MAP4K2: variants seen among roughly 807,000 people sequenced by gnomAD.
MAP4K2 encodes B lymphocyte serine/threonine protein kinase.
A neutral mutation model predicts 125.3 loss-of-function variants in MAP4K2; 85 were observed. That is an observed-to-expected ratio of 0.68 (90% CI 0.57 to 0.81). The LOEUF is 0.81. Ranked by LOEUF, MAP4K2 falls within the 40% of genes least tolerant of loss-of-function variation. The pLI is 0.00. For missense variants in MAP4K2, 923 were observed against 1,056.4 expected (o/e 0.87, Z 1.75); for synonymous variants, 479 against 445.1 (o/e 1.08, Z -0.96).
At chr11:64,802,817 C>T in intron 2 of MAP4K2, 68 bp downstream of exon 2, 1 of 1,535,850 alleles carries the variant, frequency 6.5e-7, no homozygotes, top group Non-Finnish European at 8.8e-7. Flanking sequence ...GTCAACCCTC[C>T]GCCCGCACCC....
In MAP4K2 at chr11:64,798,678, AC is replaced by A. The variant is rs1301914588; in HGVS notation, c.1097+115del. The A allele has an allele frequency of 1.0e-5, 11 of 1,064,846 alleles. No individual in the cohort carries two copies. The African/African-American group carries it at 1.4e-4, about 14-fold the overall frequency. The allele number at this position is 1,064,846 out of a possible 1,614,324, so 66.0% of individuals were successfully genotyped here. On this transcript the variant is annotated intron_variant, in intron 15 of 31. Transcript: ENST00000294066. ...TTGAACTCCTGACCTCAGGTGATCC[AC>A]CCACCTCAGCCTCCTAAAGTGCTGG...
chr11:64,798,943 G>T, intron 14 of MAP4K2, 106 bp from the exon 15 acceptor site: 1 of 934,508 alleles, frequency 1.1e-6, no homozygotes, highest in Non-Finnish European at 1.6e-6. Context: ...AGACAGACGG[G>T]AAAGGTGAGA....
At position 64,797,149 on chromosome 11, in the gene MAP4K2, C is replaced by CA. The variant is rs1320791351; in HGVS notation, c.1319dup (p.Leu441AlafsTer15). 6.2e-7 allele frequency: 1 copy of CA among 1,614,092 alleles called. No individual in the cohort carries two copies. Among genetic ancestry groups the CA allele is most frequent in the Admixed American group, 1.7e-5 (1 of 60,022 alleles). On this transcript the variant is annotated frameshift_variant, in exon 19 of 32. Coordinates refer to ENST00000294066, the MANE Select transcript of MAP4K2 (RefSeq NM_004579.5). LOFTEE classifies it high-confidence loss of function. ...TCATGGTGGCCCAGGCCGTGGGCAG[C>CA]AGTGGGGAGCTGTTGGGGCCTGAAG...
rs2136032217 is a variant in MAP4K2, at chr11:64,788,497, A to ACGCTGTG, written c.*1039_*1040insCACAGCG. On this transcript the variant is annotated 3_prime_UTR_variant, in exon 32 of 32. Coordinates refer to ENST00000294066, the MANE Select transcript of MAP4K2 (RefSeq NM_004579.5). ...GAGAATGACAGCGTAAGCACAAGCT[A>ACGCTGTG]CAGGAGAATGGCCATGCCCTCAAGA... The ACGCTGTG allele has an allele frequency of 6.6e-6, 1 of 152,408 alleles. No homozygotes were observed. Among genetic ancestry groups the ACGCTGTG allele is most frequent in the Admixed American group, 6.5e-5 (1 of 15,312 alleles). The allele number at this position is 152,408 out of a possible 1,614,324, so 9.4% of individuals were successfully genotyped here.
At position 64,797,313 on chromosome 11, in the gene MAP4K2, G is replaced by A. The variant is rs1197707543; in HGVS notation, c.1238C>T (p.Thr413Ile). ...CAGAGGCTCCTCTGCTGGAGGGTCA[G>A]TGGGGAGTGGCCCTAGGAACGGGGC... ...KRAPFLGPLPTDPPAEEPLSS... is the reference protein window; with the variant it reads ...KRAPFLGPLPIDPPAEEPLSS... Residue 413 changes from threonine (T) to isoleucine (I), a missense_variant, in exon 18 of 32, where the codon ACT (threonine) becomes ATT (isoleucine). Thr to Ile is a moderately conservative substitution (Grantham distance 89). This residue lies in a region of MAP4K2 where 833 missense variants were observed against 911.4 expected (regional missense o/e 0.91). Transcript: ENST00000294066. 1.2e-6 allele frequency: 2 copies of A among 1,602,476 alleles called. No individual in the cohort carries two copies. Among genetic ancestry groups the A allele is most frequent in the African/African-American group, 2.7e-5 (2 of 74,902 alleles).
Position 64,789,387 on chromosome 11 carries a change from C to T in MAP4K2, c.*150G>A. On this transcript the variant is annotated 3_prime_UTR_variant, in exon 32 of 32. Transcript: ENST00000294066. ...CGGGGGCTCCCCTCCCTCCCCAGGC[C>T]TGAAACATTTCTCAGGATTACTTCT... 1 of 694,052 alleles carries T rather than the reference C, an allele frequency of 1.4e-6. No homozygotes were observed. The highest frequency in any genetic ancestry group is 2.4e-6 in the Non-Finnish European group (1 of 416,264). The allele number at this position is 694,052 out of a possible 1,614,324, so 43.0% of individuals were successfully genotyped here.
In MAP4K2 at chr11:64,802,276, G is replaced by A. The variant is rs913846582; in HGVS notation, c.310+143C>T. ...AGTCTAGGATACTGAACCCAGAGAT[G>A]GACAGTATTTCTCTCAAGGTCACAC... On this transcript the variant is annotated intron_variant, in intron 4 of 31. Coordinates refer to ENST00000294066, the MANE Select transcript of MAP4K2 (RefSeq NM_004579.5). The A allele has an allele frequency of 1.0e-5, 11 of 1,087,588 alleles. No homozygotes were observed. The African/African-American group carries it at 1.4e-4, about 14-fold the overall frequency. 67.4% of individuals were successfully genotyped at this position (1,087,588 alleles called of 1,614,324 possible).
rs573043113 is a variant in MAP4K2 at position 64,797,728 on chromosome 11, C to T, written c.1098-64G>A. The T allele has an allele frequency of 2.8e-4, 311 of 1,104,298 alleles. 3 individuals carry two copies. In the South Asian group the frequency reaches 5.0e-3, roughly 18 times the overall value. The allele number at this position is 1,104,298 out of a possible 1,614,324, so 68.4% of individuals were successfully genotyped here. On this transcript the variant is annotated intron_variant, in intron 15 of 31. Transcript: ENST00000294066. ...CTTTTTTTTTTTTTTTTTTTTGAGA[C>T]GGAGTCTCGCTCTGTCACCCAGGCC... is the stretch of plus-strand genomic sequence containing the variant.
Position 64,792,159 on chromosome 11 carries a change from C to T in MAP4K2, c.1914+13G>A, listed in dbSNP as rs377050355. The T allele has an allele frequency of 1.3e-6, 2 of 1,599,768 alleles. No individual in the cohort carries two copies. The highest frequency in any genetic ancestry group is 1.7e-6 in the Non-Finnish European group (2 of 1,173,328). On this transcript the variant is annotated intron_variant, in intron 26 of 31. Transcript: ENST00000294066. ...TCTGAGGGTGCCCTGGGCCTCCCCC[C>T]ACCGCCCCTCACCTTCAGCAGCAGA...
Position 64,789,436 on chromosome 11 carries a change from G to C in MAP4K2, c.*101C>G. 9.5e-7 allele frequency: 1 copy of C among 1,051,494 alleles called. No individual in the cohort carries two copies. The highest frequency in any genetic ancestry group is 1.4e-6 in the Non-Finnish European group (1 of 704,106). The allele number at this position is 1,051,494 out of a possible 1,614,324, so 65.1% of individuals were successfully genotyped here. On this transcript the variant is annotated 3_prime_UTR_variant, in exon 32 of 32. Transcript: ENST00000294066. ...CTGACCTTCAGCCCCAGCAGGGCCA[G>C]GGCCTGGGCTCCTCTGGTCTAGGAT...
At position 64,789,504 on chromosome 11, in the gene MAP4K2, G is replaced by A; in HGVS notation, c.*33C>T. On this transcript the variant is annotated 3_prime_UTR_variant, in exon 32 of 32. Coordinates refer to ENST00000294066, the MANE Select transcript of MAP4K2 (RefSeq NM_004579.5). ...AGGGCCTGCAGCTAAGGCGTGGGGTGGGGCGGGGAGCCCCTGGACAGGCCC... is the reference window on the plus strand; with the variant it reads ...AGGGCCTGCAGCTAAGGCGTGGGGTAGGGCGGGGAGCCCCTGGACAGGCCC... 6.5e-7 allele frequency: 1 copy of A among 1,546,182 alleles called. No individual in the cohort carries two copies. The highest frequency in any genetic ancestry group is 8.8e-7 in the Non-Finnish European group (1 of 1,140,730).
intron 9 of MAP4K2, 31 bp downstream of exon 9, chr11:64,800,869 G>A (rs1446666026): frequency 2.5e-6 from 4 of 1,613,808 alleles, no homozygotes; most frequent in Non-Finnish European, 8.5e-7. Flanking sequence ...CGCAGATCAA[G>A]GGTCAGGTGA....
intron 3 of MAP4K2, 38 bp downstream of exon 3, chr11:64,802,525 G>A (rs757591798): frequency 6.3e-7 from 1 of 1,576,782 alleles, no homozygotes; most frequent in Non-Finnish European, 8.6e-7. Flanking sequence ...CAGGTCACAT[G>A]GGGGCTGCCT....
At chr11:64,800,534 G>C (rs547249116) in intron 10 of MAP4K2, 142 bp from the exon 11 acceptor site, 2 of 1,095,130 alleles carry the variant, frequency 1.8e-6, no homozygotes, top group African/African-American at 3.2e-5. Context: ...GCCACTGGCC[G>C]AGCAACGCTG....
Position 64,802,918 on chromosome 11 carries a change from G to A in MAP4K2, c.121C>T (p.Leu41=), listed in dbSNP as rs773671379. ...YKARDTVTSE[L]AAVKIVKLDP... The stretch of plus-strand genomic sequence containing the variant: ...AGCTTGACTATCTTCACGGCGGCCA[G>A]TTCGGACGTGACCGTGTCGCGGGCC... Residue 41 remains leucine (L), a synonymous_variant, in exon 2 of 32, where the codon CTG becomes TTG. Coordinates refer to ENST00000294066, the MANE Select transcript of MAP4K2 (RefSeq NM_004579.5). The A allele has an allele frequency of 3.1e-6, 5 of 1,596,048 alleles. No homozygotes were observed. The highest frequency in any genetic ancestry group is 3.4e-6 in the Non-Finnish European group (4 of 1,172,034).
intron 8 of MAP4K2, 37 bp downstream of exon 8, chr11:64,801,074 T>C: frequency 6.2e-7 from 1 of 1,613,668 alleles, no homozygotes; most frequent in Non-Finnish European, 8.5e-7. Flanking sequence ...TGCCCTGCTC[T>C]GTGGCCCCTA....
intron 12 of MAP4K2, 97 bp downstream of exon 12, chr11:64,800,012 T>G: frequency 9.6e-7 from 1 of 1,040,596 alleles, no homozygotes; most frequent in Non-Finnish European, 1.4e-6. Flanking sequence ...CTCCCTGAGC[T>G]GGAATGGTGC....
rs1037676639 is a variant in MAP4K2, at chr11:64,789,340, G to A, written c.*197C>T. 1.7e-6 allele frequency: 1 copy of A among 588,414 alleles called. No individual in the cohort carries two copies. The highest frequency in any genetic ancestry group is 3.0e-5 in the Admixed American group (1 of 33,224). The allele number at this position is 588,414 out of a possible 1,614,324, so 36.4% of individuals were successfully genotyped here. The stretch of plus-strand genomic sequence containing the variant: ...TGGGGGAGTGACAGCAGCTCCCCCT[G>A]GTCCAGTTATTGCAGAGGCGTCGGG... On this transcript the variant is annotated 3_prime_UTR_variant, in exon 32 of 32. Transcript: ENST00000294066.
At position 64,797,298 on chromosome 11, in the gene MAP4K2, T is replaced by A; in HGVS notation, c.1253A>T (p.Glu418Val). 1 of 1,602,068 alleles carries A rather than the reference T, an allele frequency of 6.2e-7. No homozygotes were observed. ...ACCTGGGGGACTGGACAGAGGCTCC[T>A]CTGCTGGAGGGTCAGTGGGGAGTGG... is the stretch of plus-strand genomic sequence containing the variant. ...LGPLPTDPPA[E>V]EPLSSPPGTL... is the part of the protein sequence containing the mutation. Residue 418 changes from glutamate to valine, a missense_variant, in exon 18 of 32, where the codon GAG becomes GTG. Around this residue, in one of 2 missense-constraint regions of MAP4K2, gnomAD observed 833 missense variants for 911.4 expected, o/e 0.91. Coordinates refer to ENST00000294066, the MANE Select transcript of MAP4K2 (RefSeq NM_004579.5).
Sources: allele counts gnomAD v4.1 joint callset, GRCh38; gene constraint gnomAD v4.1.1; regional missense constraint gnomAD v4.1.1; transcripts MANE v1.5; gene names NCBI Gene and HGNC (gene_info 2026-07-23, HGNC 2026-07-21).